Variants in IDUA observed in about 807,000 individuals in gnomAD.
IDUA encodes alpha-L-iduronidase.
A neutral mutation model predicts 68.9 loss-of-function variants in IDUA; 65 were observed. That is an observed-to-expected ratio of 0.94 (90% confidence interval 0.77 to 1.16). IDUA has a LOEUF of 1.16. Ranked by LOEUF, IDUA falls within the 50% of genes most tolerant of loss-of-function variation. The probability of loss-of-function intolerance (pLI) is 0.00; values close to 1 mark genes in which losing one functional copy is unlikely to be tolerated. For missense variants in IDUA, 1,046 were observed against 938.0 expected, an observed-to-expected ratio of 1.12 and a Z score of -1.50; for synonymous variants, 529 against 433.6, an observed-to-expected ratio of 1.22 and a Z score of -2.73.
intron 1 of IDUA, chr4:987,580 G>C (rs1713833475): frequency 7.3e-7 from 1 of 1,375,348 alleles, no homozygotes. Flanking sequence ...CTTCCTGGCA[G>C]GGCCAGGGCC....
At chr4:992,058 T>A in intron 2 of IDUA, 1 of 556,768 alleles carries the variant, frequency 1.8e-6, no homozygotes, top group South Asian at 1.6e-5. Flanking sequence ...GCTCTGCGGT[T>A]CCTGGCTGAA....
At chr4:997,711 A>G (rs897307418) in intron 2 of IDUA, among the ~76,000 whole-genome samples, 6 of 152,004 alleles carry the variant, frequency 3.9e-5, no homozygotes, top group African/African-American at 1.4e-4. Context: ...TCCCCTCCCC[A>G]GCGTCGGTCT....
intron 2 of IDUA, chr4:992,265 A>G (rs555633879): frequency 1.6e-4 from 72 of 451,472 alleles, no homozygotes; most frequent in South Asian, 1.1e-3. Flanking sequence ...CCCCATGCCC[A>G]CACCAGAGCC....
intron 2 of IDUA, chr4:991,762 GC>G: frequency 1.3e-6 from 2 of 1,529,210 alleles, no homozygotes; most frequent in Non-Finnish European, 1.7e-6. Flanking sequence ...GGTCACAGGA[GC>G]CCCCGGATCC....
In IDUA at chr4:1,000,652, C is replaced by G. The variant is rs372934646; in HGVS notation, c.340C>G (p.Leu114Val). The G allele has an allele frequency of 1.2e-6, 2 of 1,612,786 alleles. No homozygotes were observed. The highest frequency in any genetic ancestry group is 1.7e-6 in the Non-Finnish European group (2 of 1,179,922). ...GGGCCTGAGCTACAACTTCACCCAC[C>G]TGGACGGGTACCTGGACCTTCTCAG... The part of the protein sequence containing the change: ...GRGLSYNFTH[L>V]DGYLDLLREN... Residue 114 changes from leucine to valine, a missense_variant, in exon 3 of 14, where the codon CTG becomes GTG. Coordinates refer to ENST00000514224, the MANE Select transcript of IDUA (RefSeq NM_000203.5).
intron 2 of IDUA, chr4:990,784 G>A: frequency 2.6e-6 from 1 of 391,204 alleles, no homozygotes; most frequent in Non-Finnish European, 4.6e-6. Flanking sequence ...CGGGGGTGGG[G>A]AGGCCATCCC....
At position 1,002,173 on chromosome 4, in the gene IDUA, C is replaced by T. The variant is rs1715127927; in HGVS notation, c.972+12C>T. ...CCATGGTGGTGAAGGTGGGCCGGCCCAACGCCCTGCGCGCCCCCCGGCCAC... is the reference window on the plus strand; with the variant it reads ...CCATGGTGGTGAAGGTGGGCCGGCCTAACGCCCTGCGCGCCCCCCGGCCAC... On this transcript the variant is annotated intron_variant, in intron 7 of 13. Coordinates refer to ENST00000514224, the MANE Select transcript of IDUA (RefSeq NM_000203.5). 1 of 1,556,212 alleles carries T rather than the reference C, an allele frequency of 6.4e-7. No individual in the cohort carries two copies. Among genetic ancestry groups the T allele is most frequent in the Non-Finnish European group, 8.7e-7 (1 of 1,150,570 alleles).
intron 2 of IDUA, chr4:989,296 T>C (rs765601257): frequency 1.2e-6 from 2 of 1,612,488 alleles, no homozygotes; most frequent in Non-Finnish European, 1.7e-6. Flanking sequence ...CTTGTTGGCA[T>C]AGTACAGCGG....
At chr4:998,907 T>C (rs1407352572) in intron 2 of IDUA, among the ~76,000 whole-genome samples, 1 of 151,668 alleles carries the variant, frequency 6.6e-6, no homozygotes, top group Non-Finnish European at 1.5e-5. Flanking sequence ...CCAGCCAGTC[T>C]TCCAGCTCCC....
rs773925781 is a variant in IDUA at position 987,848 on chromosome 4, C to G, written c.198C>G (p.Leu66=). The change falls in exon 2 of 14, where the codon CTC becomes CTG. Residue 66 remains leucine (L), a synonymous_variant. Coordinates refer to ENST00000514224, the MANE Select transcript of IDUA (RefSeq NM_000203.5). ...LPHSQADQYV[L]SWDQQLNLAY... ...ACAGCCAGGCTGACCAGTACGTCCT[C>G]AGCTGGGACCAGCAGCTCAACCTCG... 11 of 1,612,498 alleles carry G rather than the reference C, an allele frequency of 6.8e-6. No individual in the cohort carries two copies. The highest frequency in any genetic ancestry group is 9.3e-6 in the Non-Finnish European group (11 of 1,179,874).
Position 1,000,626 on chromosome 4 carries a change from G to C in IDUA, c.314G>C (p.Arg105Pro), listed in dbSNP as rs3755955. The C allele has an allele frequency of 1.7e-5, 28 of 1,612,152 alleles. No homozygotes were observed. The highest frequency in any genetic ancestry group is 2.3e-5 in the Non-Finnish European group (27 of 1,179,490). Residue 105 changes from arginine to proline, a missense_variant, in exon 3 of 14, where the codon CGG (arginine) becomes CCG (proline). Arg to Pro is a moderately radical substitution (Grantham distance 103). Transcript: ENST00000514224. ...ELVTTRGSTG[R>P]GLSYNFTHLD... ...TCCTTCTGCAGGGGGTCCACTGGACGGGGCCTGAGCTACAACTTCACCCAC... is the reference window on the plus strand; with the variant it reads ...TCCTTCTGCAGGGGGTCCACTGGACCGGGCCTGAGCTACAACTTCACCCAC...
chr4:989,067 T>C, intron 2 of IDUA: 2 of 1,589,734 alleles, frequency 1.3e-6, no homozygotes, highest in African/African-American at 1.3e-5. Context: ...TCACACCGGC[T>C]GCGTCTAGGA....
Position 1,004,177 on chromosome 4 carries a change from G to A in IDUA, c.1828+65G>A. ...TTCTTGGGCCTCAGGGCAGTACTGG[G>A]TGGGGGCCTCGAGAAGCCTGGGGTC... On this transcript the variant is annotated intron_variant, in intron 13 of 13. Transcript: ENST00000514224. The surrounding 1 kb of genome is among the most constrained non-coding windows in gnomAD (Gnocchi z 5.0). 6.2e-7 allele frequency: 1 copy of A among 1,611,756 alleles called. No homozygotes were observed. The highest frequency in any genetic ancestry group is 8.5e-7 in the Non-Finnish European group (1 of 1,179,428).
chr4:998,769 T>C (rs2153020963), intron 2 of IDUA, among the ~76,000 whole-genome samples: 1 of 149,022 alleles, frequency 6.7e-6, no homozygotes, highest in Non-Finnish European at 1.5e-5. Flanking sequence ...ACAGTTGCCC[T>C]GTACGACCCC....
chr4:999,102 G>C (rs1714923783), intron 2 of IDUA, among the ~76,000 whole-genome samples: 1 of 152,034 alleles, frequency 6.6e-6, no homozygotes, highest in South Asian at 2.1e-4. Flanking sequence ...CTACTCAGGA[G>C]GCTGAGGCAG....
rs536562974 is a variant in IDUA, at chr4:994,437, G to A, written c.300-6175G>A. The stretch of plus-strand genomic sequence containing the variant: ...ACTACAGGCGCCCGCCACCGCGCCC[G>A]GCTAATTTTTTTTTTTTTGAGACGG... On this transcript the variant is annotated intron_variant, in intron 2 of 13. Transcript: ENST00000514224. Among the ~76,000 whole-genome samples, 885 of 149,362 alleles carry A rather than the reference G, an allele frequency of 5.9e-3. 5 individuals are homozygous for A. The highest frequency in any genetic ancestry group is 0.021 in the African/African-American group (839 of 40,790).
chr4:994,753 C>G (rs567045298), intron 2 of IDUA, among the ~76,000 whole-genome samples: 67 of 145,896 alleles, frequency 4.6e-4, no homozygotes, highest in African/African-American at 1.6e-3. Context: ...TGCCCCCCAA[C>G]CTTTAAAAAA....
chr4:1,001,823 C>G lies in IDUA; in HGVS notation c.734C>G (p.Thr245Ser). Residue 245 changes from threonine to serine, a missense_variant, in exon 6 of 14, where the codon ACC becomes AGC. Thr to Ser is a moderately conservative substitution (Grantham distance 58). Coordinates refer to ENST00000514224, the MANE Select transcript of IDUA (RefSeq NM_000203.5). ...WGLLRHCHDG[T>S]NFFTGEAGVR... Reference sequence around the variant, plus strand: ...CTCCTGCGCCACTGCCACGACGGTACCAACTTCTTCACTGGGGAGGCGGGC... The same window carrying G: ...CTCCTGCGCCACTGCCACGACGGTAGCAACTTCTTCACTGGGGAGGCGGGC... The G allele has an allele frequency of 6.2e-7, 1 of 1,605,508 alleles. No homozygotes were observed. Among genetic ancestry groups the G allele is most frequent in the Non-Finnish European group, 8.5e-7 (1 of 1,177,512 alleles).
At chr4:999,279 G>A (rs374958524) in intron 2 of IDUA, among the ~76,000 whole-genome samples, 41 of 151,804 alleles carry the variant, frequency 2.7e-4, no homozygotes, top group East Asian at 1.7e-3. Context: ...TCCTTGTTTC[G>A]CTCTGGGTCA....
Sources: gnomAD v4.1 joint callset for allele counts (sites outside exome capture counted in the v4.1 genomes callset) on GRCh38, gnomAD v4.1.1 for gene constraint, Gnocchi (gnomAD v3.1) non-coding constraint, MANE v1.5 for transcripts, NCBI Gene and HGNC (gene_info 2026-07-23, HGNC 2026-07-21) for gene names.